The following LRP1B variants were observed in gnomAD, a reference collection of about 807,000 sequenced individuals.
LRP1B encodes the protein low-density lipoprotein receptor-related protein 1B.
LRP1B carries 217 observed loss-of-function variants against 556.6 expected under a neutral mutation model. The observed-to-expected ratio is 0.39, with a 90% confidence interval of 0.35 to 0.44. The LOEUF (loss-of-function observed/expected upper bound fraction) is 0.44, where lower values mean the gene tolerates loss of function less well. Among genes scored for constraint, LRP1B ranks in the 20% least tolerant of loss-of-function variants. The probability of loss-of-function intolerance (pLI) is 1.00; values close to 1 mark genes in which losing one functional copy is unlikely to be tolerated. For synonymous variants in LRP1B, 2,047 were observed against 1,865.8 expected, an observed-to-expected ratio of 1.10 and a Z score of -2.50; for missense variants, 5,053 against 5,620.8, an observed-to-expected ratio of 0.90 and a Z score of 3.23.
At chr2:141,399,211 G>A (rs1196528460) in intron 3 of LRP1B, among the ~76,000 whole-genome samples, 3 of 151,976 alleles carry the variant, frequency 2.0e-5, no homozygotes, top group Non-Finnish European at 4.4e-5. Flanking sequence ...AGCCAAGATC[G>A]TGCCACCGTG....
intron 32 of LRP1B, among the ~76,000 whole-genome samples, chr2:140,791,031 G>A (rs1690101483): frequency 6.6e-6 from 1 of 151,676 alleles, no homozygotes; most frequent in Non-Finnish European, 1.5e-5. Flanking sequence ...CGAGGAGGGT[G>A]GATCCTGAGG....
chr2:140,930,471 T>C (rs959688832), intron 20 of LRP1B, among the ~76,000 whole-genome samples: 1 of 151,944 alleles, frequency 6.6e-6, no homozygotes, highest in African/African-American at 2.4e-5. Flanking sequence ...TTTCCTAATG[T>C]TAAAAAAATG....
chr2:141,735,988 C>T (rs1693450415), intron 2 of LRP1B, among the ~76,000 whole-genome samples: 1 of 152,106 alleles, frequency 6.6e-6, no homozygotes, highest in African/African-American at 2.4e-5. Flanking sequence ...GATAGTTATA[C>T]ATGAGCTTCT....
chr2:140,812,683 A>C (rs1047909304), intron 32 of LRP1B, among the ~76,000 whole-genome samples: 23 of 152,114 alleles, frequency 1.5e-4, no homozygotes, highest in Admixed American at 1.1e-3. Context: ...AAAGGCATAA[A>C]TTTTTACCTA....
intron 41 of LRP1B, among the ~76,000 whole-genome samples, chr2:140,637,165 T>A (rs1219090132): frequency 6.6e-6 from 1 of 152,130 alleles, no homozygotes; most frequent in Non-Finnish European, 1.5e-5. Flanking sequence ...GGGCAGAATT[T>A]CAGGAAATCA....
intron 32 of LRP1B, among the ~76,000 whole-genome samples, chr2:140,786,704 T>C (rs1308861373): frequency 6.6e-6 from 1 of 152,192 alleles, no homozygotes; most frequent in African/African-American, 2.4e-5. Context: ...CTTTGTGACC[T>C]TGAACTGACA....
At chr2:140,708,119 A>G (rs776655689) in intron 37 of LRP1B, among the ~76,000 whole-genome samples, 1 of 152,080 alleles carries the variant, frequency 6.6e-6, no homozygotes, top group Non-Finnish European at 1.5e-5. Context: ...GTAAATTAGT[A>G]TCTGAGAAAA....
intron 29 of LRP1B, among the ~76,000 whole-genome samples, chr2:140,843,053 GTGGTTTTTTTTTTGTTTTTTTTTTTTTGT>G: frequency 1.1e-5 from 1 of 93,224 alleles, no homozygotes. Flanking sequence ...GTTCTCCAAA[GTGGTTTTTTTTTTGTTTTTTTTTTTTTGT>G]TTGTTTTTTT....
chr2:140,590,554 CTT>C (rs949976905), intron 43 of LRP1B, among the ~76,000 whole-genome samples: 1 of 128,204 alleles, frequency 7.8e-6, no homozygotes, highest in African/African-American at 3.0e-5. Context: ...GCCTAGATCT[CTT>C]TCTCTCTCTC....
At chr2:142,039,600 T>A (rs2105212432) in intron 1 of LRP1B, among the ~76,000 whole-genome samples, 1 of 151,612 alleles carries the variant, frequency 6.6e-6, no homozygotes, top group Non-Finnish European at 1.5e-5. Flanking sequence ...TAGATGGGAA[T>A]AGTGTGTTTG....
intron 41 of LRP1B, among the ~76,000 whole-genome samples, chr2:140,629,579 C>T (rs1683804956): frequency 6.6e-6 from 1 of 152,046 alleles, no homozygotes; most frequent in African/African-American, 2.4e-5. Flanking sequence ...TAAATTATGG[C>T]AAATTCATAA....
At chr2:141,283,435 G>T (rs1272020180) in intron 3 of LRP1B, among the ~76,000 whole-genome samples, 5 of 151,952 alleles carry the variant, frequency 3.3e-5, no homozygotes, top group Admixed American at 2.6e-4. Flanking sequence ...GGGGAGGTGG[G>T]GAGGTGGTGA....
intron 7 of LRP1B, among the ~76,000 whole-genome samples, chr2:141,130,850 AAG>A (rs1701331557): frequency 6.6e-6 from 1 of 152,140 alleles, no homozygotes; most frequent in South Asian, 2.1e-4. Context: ...AGCCATAAAA[AAG>A]AATGAGTTCA....
At chr2:140,302,281 C>T (rs530204866) in intron 83 of LRP1B, among the ~76,000 whole-genome samples, 1 of 152,232 alleles carries the variant, frequency 6.6e-6, no homozygotes, top group South Asian at 2.1e-4. Context: ...CCTTCTTCTT[C>T]CTAAACTTCA....
At chr2:140,805,382 C>T (rs1690675141) in intron 32 of LRP1B, among the ~76,000 whole-genome samples, 1 of 152,018 alleles carries the variant, frequency 6.6e-6, no homozygotes, top group African/African-American at 2.4e-5. Context: ...TCTTTCAGTT[C>T]ATAGTGAGGA....
At chr2:141,383,316 TAAA>T (rs1274060791) in intron 3 of LRP1B, among the ~76,000 whole-genome samples, 1 of 151,940 alleles carries the variant, frequency 6.6e-6, no homozygotes, top group Admixed American at 6.6e-5. Flanking sequence ...CCTCAAAAAA[TAAA>T]AAATAAAACT....
chr2:140,654,464 C>T (rs1684804728), intron 41 of LRP1B, among the ~76,000 whole-genome samples: 1 of 151,990 alleles, frequency 6.6e-6, no homozygotes, highest in Non-Finnish European at 1.5e-5. Context: ...TAAAGACTGT[C>T]AGTAATCAAA....
At chr2:141,740,343 T>C (rs1253670281) in intron 2 of LRP1B, among the ~76,000 whole-genome samples, 2 of 152,164 alleles carry the variant, frequency 1.3e-5, no homozygotes, top group Non-Finnish European at 2.9e-5. Context: ...AATATACTTA[T>C]TAATAACATG....
At chr2:141,348,840 G>A (rs1688345535) in intron 3 of LRP1B, among the ~76,000 whole-genome samples, 2 of 151,954 alleles carry the variant, frequency 1.3e-5, no homozygotes, top group Admixed American at 6.6e-5. Context: ...ATCATGGGGG[G>A]CAGGTCTTTC....
Sources: gnomAD v4.1 joint callset for allele counts (sites outside exome capture counted in the v4.1 genomes callset) on GRCh38, gnomAD v4.1.1 for gene constraint, MANE v1.5 for transcripts, NCBI Gene and HGNC (gene_info 2026-07-23, HGNC 2026-07-21) for gene names.